ERBB4: variants seen among roughly 807,000 people sequenced by gnomAD.
ERBB4 encodes erb-b2 receptor tyrosine kinase 4, also known as receptor tyrosine-protein kinase erbB-4.
Under a neutral mutation model 158.0 loss-of-function variants are expected in ERBB4, and 42 were observed. The observed-to-expected ratio is 0.27, with a 90% CI of 0.21 to 0.34. The LOEUF (loss-of-function observed/expected upper bound fraction) is 0.34, where lower values mean the gene tolerates loss of function less well. Ranked by LOEUF, ERBB4 falls within the 10% of genes least tolerant of loss-of-function variation. The pLI, the probability that ERBB4 is intolerant of heterozygous loss-of-function variation, is 1.00. For missense variants in ERBB4, 1,333 were observed against 1,624.1 expected, an observed-to-expected ratio of 0.82 and a Z score of 3.08; for synonymous variants, 583 against 558.7, an observed-to-expected ratio of 1.04 and a Z score of -0.61.
At chr2:211,688,494 T>C (rs751456687) in intron 12 of ERBB4, among the ~76,000 whole-genome samples, 9 of 152,200 alleles carry the variant, frequency 5.9e-5, no homozygotes, top group South Asian at 2.1e-4. Context: ...GGAATCACTT[T>C]CCCTTGTGTT....
At chr2:211,538,239 G>A (rs7567792) in intron 20 of ERBB4, among the ~76,000 whole-genome samples, 1 of 147,450 alleles carries the variant, frequency 6.8e-6, no homozygotes, top group African/African-American at 2.7e-5. Flanking sequence ...TCACGCAGGA[G>A]ATGATATAGT....
chr2:211,983,512 T>C (rs2081859513), intron 2 of ERBB4, among the ~76,000 whole-genome samples: 1 of 152,172 alleles, frequency 6.6e-6, no homozygotes, highest in Non-Finnish European at 1.5e-5. Flanking sequence ...CATTTTGTCA[T>C]GCATTTGTAA....
chr2:211,395,394 AGTTCCCATCCAAT>A (rs2062890672), intron 25 of ERBB4, among the ~76,000 whole-genome samples: 1 of 152,136 alleles, frequency 6.6e-6, no homozygotes, highest in African/African-American at 2.4e-5. Flanking sequence ...AGATTCCCTG[AGTTCCCATCCAAT>A]GTACAATCTG....
chr2:212,303,775 T>C (rs2086707215), intron 1 of ERBB4, among the ~76,000 whole-genome samples: 1 of 151,534 alleles, frequency 6.6e-6, no homozygotes, highest in African/African-American at 2.4e-5. Context: ...CTACTAGCCA[T>C]GTTCTTGTTT....
At chr2:212,347,199 C>T (rs551816556) in intron 1 of ERBB4, among the ~76,000 whole-genome samples, 2 of 152,108 alleles carry the variant, frequency 1.3e-5, no homozygotes, top group East Asian at 1.9e-4. Context: ...CAGATAAATG[C>T]CAAAGGAAGA....
chr2:211,553,667 C>T (rs2067162817), intron 20 of ERBB4, among the ~76,000 whole-genome samples: 1 of 152,046 alleles, frequency 6.6e-6, no homozygotes, highest in South Asian at 2.1e-4. Flanking sequence ...TAAAATTACC[C>T]TACAAAATAG....
chr2:211,559,997 A>G (rs1463704064), intron 20 of ERBB4, among the ~76,000 whole-genome samples: 2 of 152,190 alleles, frequency 1.3e-5, no homozygotes, highest in African/African-American at 4.8e-5. Context: ...CCATAAATGG[A>G]GGATGCCCAA....
In ERBB4 at chr2:212,110,940, T is replaced by C. The variant is rs113446666; in HGVS notation, c.234+13812A>G. On this transcript the variant is annotated intron_variant, in intron 2 of 27. Transcript: ENST00000342788. ...TTACTGATAAATGTTTTATTAACAC[T>C]TTCATTCTCTGGCCACCCGCCTACC... Among the ~76,000 whole-genome samples, 351 of 152,338 alleles carry C rather than the reference T, an allele frequency of 2.3e-3. 1 individual carries two copies. The highest frequency in any genetic ancestry group is 7.9e-3 in the African/African-American group (328 of 41,572).
intron 1 of ERBB4, among the ~76,000 whole-genome samples, chr2:212,485,801 T>C (rs1037722712): frequency 1.3e-5 from 2 of 152,128 alleles, no homozygotes; most frequent in Admixed American, 6.6e-5. Flanking sequence ...GGCTTTCTCA[T>C]AGGTGGCACC....
chr2:211,814,120 T>C (rs1575184856), intron 3 of ERBB4, among the ~76,000 whole-genome samples: 1 of 152,284 alleles, frequency 6.6e-6, no homozygotes. Flanking sequence ...TACAGAAGTC[T>C]AAATACAAAT....
intron 19 of ERBB4, among the ~76,000 whole-genome samples, chr2:211,565,478 G>A (rs562917946): frequency 6.6e-6 from 1 of 152,186 alleles, no homozygotes; most frequent in Non-Finnish European, 1.5e-5. Flanking sequence ...CCAAAGATTT[G>A]AAAGTGATTG....
intron 3 of ERBB4, among the ~76,000 whole-genome samples, chr2:211,871,429 T>G (rs2078342822): frequency 6.6e-6 from 1 of 152,060 alleles, no homozygotes; most frequent in Non-Finnish European, 1.5e-5. Flanking sequence ...GCCAATAAAT[T>G]AATTGATTAG....
At chr2:211,498,300 C>A (rs1214564686) in intron 20 of ERBB4, among the ~76,000 whole-genome samples, 1 of 152,078 alleles carries the variant, frequency 6.6e-6, no homozygotes, top group Admixed American at 6.5e-5. Context: ...GTATTCAACA[C>A]CCCTAAAGGA....
intron 4 of ERBB4, among the ~76,000 whole-genome samples, chr2:211,756,548 T>C (rs1028337538): frequency 2.6e-5 from 4 of 152,216 alleles, no homozygotes; most frequent in African/African-American, 7.2e-5. Context: ...ATTATGGAGT[T>C]GGCCAAGGTC....
intron 1 of ERBB4, among the ~76,000 whole-genome samples, chr2:212,357,275 T>C (rs2089497857): frequency 6.6e-6 from 1 of 151,866 alleles, no homozygotes; most frequent in Admixed American, 6.6e-5. Flanking sequence ...TTATGATAAA[T>C]TATAAAGTTC....
intron 1 of ERBB4, among the ~76,000 whole-genome samples, chr2:212,397,777 C>T (rs954258209): frequency 6.6e-5 from 10 of 152,022 alleles, no homozygotes; most frequent in African/African-American, 2.4e-4. Context: ...ATCAGGGCAT[C>T]TATTTATCTT....
Position 211,682,988 on chromosome 2 carries a change from T to C in ERBB4, c.1490-3804A>G, listed in dbSNP as rs371847844. On this transcript the variant is annotated intron_variant, in intron 12 of 27. Transcript: ENST00000342788. The stretch of plus-strand genomic sequence containing the variant: ...TTCTCTTATGTTTTGGATAAATTGA[T>C]TATTAAAATGATTTTATTTTATTTC... Among the ~76,000 whole-genome samples, 23 of 151,958 alleles carry C rather than the reference T, an allele frequency of 1.5e-4. No homozygotes were observed. The South Asian group carries it at 4.8e-3, about 31-fold the overall frequency.
chr2:211,723,917 A>T (rs955491267), intron 6 of ERBB4, among the ~76,000 whole-genome samples: 1 of 152,218 alleles, frequency 6.6e-6, no homozygotes, highest in Non-Finnish European at 1.5e-5. Flanking sequence ...GTTCCATAAA[A>T]GTAATGAAAT....
At position 211,435,630 on chromosome 2, in the gene ERBB4, G is replaced by A. The variant is rs537873914; in HGVS notation, c.2488-4530C>T. Among the ~76,000 whole-genome samples, 664 of 152,270 alleles carry A rather than the reference G, an allele frequency of 4.4e-3. 11 individuals are homozygous for A. Among genetic ancestry groups the A allele is most frequent in the Middle Eastern group, 0.014 (4 of 294 alleles). ...TTAGCGGCGGCAGCATTAGATTCTC[G>A]TAGGAGGCTGAACCCAGTTGTGAAC... On this transcript the variant is annotated intron_variant, in intron 20 of 27. Coordinates refer to ENST00000342788, the MANE Select transcript of ERBB4 (RefSeq NM_005235.3).
Sources: gnomAD v4.1 joint callset for allele counts (sites outside exome capture counted in the v4.1 genomes callset) on GRCh38, gnomAD v4.1.1 for gene constraint, MANE v1.5 for transcripts, NCBI Gene and HGNC (gene_info 2026-07-23, HGNC 2026-07-21) for gene names.